The following RALGPS1 variants were observed in gnomAD, a reference collection of about 807,000 sequenced individuals.
The protein encoded by RALGPS1 is ras-specific guanine nucleotide-releasing factor RalGPS1.
A neutral mutation model predicts 78.8 loss-of-function variants in RALGPS1; 19 were observed. The ratio of observed to expected loss-of-function variants is 0.24; its 90% confidence interval spans 0.17 to 0.35. The LOEUF (loss-of-function observed/expected upper bound fraction) is 0.35. Among genes scored for constraint, RALGPS1 ranks in the 10% least tolerant of loss-of-function variants. The pLI is 1.00. For synonymous variants in RALGPS1, 228 were observed against 256.3 expected (o/e 0.89, Z 1.06); for missense variants, 454 against 688.3 (o/e 0.66, Z 3.81).
At position 127,152,951 on chromosome 9, in the gene RALGPS1, G is replaced by T. The variant is rs115455450; in HGVS notation, c.611-13118G>T. Among the ~76,000 whole-genome samples, 425 of 152,310 alleles carry T rather than the reference G, an allele frequency of 2.8e-3. 1 individual carries two copies. The highest frequency in any genetic ancestry group is 9.9e-3 in the African/African-American group (410 of 41,550). ...TTACAGGTACTATCTCTATCTCCCA[G>T]ATGAAGAAAGCAAGGTCCCAGGAGT... On this transcript the variant is annotated intron_variant, in intron 8 of 18. Transcript: ENST00000259351.
intron 1 of RALGPS1, among the ~76,000 whole-genome samples, chr9:126,915,288 G>C (rs1223216121): frequency 7.0e-6 from 1 of 141,864 alleles, no homozygotes; most frequent in Non-Finnish European, 1.6e-5. Flanking sequence ...CGGGGCCGGG[G>C]GGGCAGTTGG....
At position 127,150,679 on chromosome 9, in the gene RALGPS1, G is replaced by A. The variant is rs1488341758; in HGVS notation, c.611-15390G>A. Among the ~76,000 whole-genome samples, 3 of 152,212 alleles carry A rather than the reference G, an allele frequency of 2.0e-5. No individual in the cohort carries two copies. The East Asian group carries it at 5.8e-4, about 29-fold the overall frequency. On this transcript the variant is annotated intron_variant, in intron 8 of 18. Coordinates refer to ENST00000259351, the MANE Select transcript of RALGPS1 (RefSeq NM_014636.3). ...ACTCAACAGAGATGCCCTTTCCTGG[G>A]CTCTTACAACTGGATTACTAGGGCA... is the stretch of plus-strand genomic sequence containing the variant.
intron 14 of RALGPS1, among the ~76,000 whole-genome samples, chr9:127,202,293 G>C (rs1222691400): frequency 6.6e-6 from 1 of 152,168 alleles, no homozygotes; most frequent in Admixed American, 6.5e-5. Flanking sequence ...CCAGGGGTGA[G>C]ACTCTGCATG....
At chr9:126,915,657 T>G (rs2034074886) in intron 1 of RALGPS1, among the ~76,000 whole-genome samples, 2 of 151,890 alleles carry the variant, frequency 1.3e-5, no homozygotes, top group Non-Finnish European at 1.5e-5. Flanking sequence ...GGCTTGGAGC[T>G]CAGCTGCCCT....
chr9:127,116,046 A>G (rs1043436629), intron 8 of RALGPS1, among the ~76,000 whole-genome samples: 1 of 152,194 alleles, frequency 6.6e-6, no homozygotes, highest in Non-Finnish European at 1.5e-5. Context: ...AAGACCATTG[A>G]ATGAACCATT....
intron 7 of RALGPS1, among the ~76,000 whole-genome samples, chr9:127,056,198 A>C (rs2048732455): frequency 1.3e-5 from 2 of 152,234 alleles, no homozygotes; most frequent in African/African-American, 4.8e-5. Context: ...CTGGGGACTC[A>C]GGGAAACAAC....
At position 127,050,023 on chromosome 9, in the gene RALGPS1, G is replaced by C. The variant is rs2048161513; in HGVS notation, c.301-20G>C. On this transcript the variant is annotated intron_variant, in intron 5 of 18. Transcript: ENST00000259351. ...TTTTCTGGTGTGTATGTGTGTATGTGTGTGTATTTGACTCTACAGGTCAGT... is the reference window on the plus strand; with the variant it reads ...TTTTCTGGTGTGTATGTGTGTATGTCTGTGTATTTGACTCTACAGGTCAGT... The C allele has an allele frequency of 1.9e-6, 3 of 1,569,148 alleles. No individual in the cohort carries two copies. Among genetic ancestry groups the C allele is most frequent in the Admixed American group, 3.3e-5 (2 of 59,928 alleles).
intron 11 of RALGPS1, among the ~76,000 whole-genome samples, chr9:127,176,640 G>T (rs2059895587): frequency 6.6e-6 from 1 of 152,182 alleles, no homozygotes; most frequent in Non-Finnish European, 1.5e-5. Flanking sequence ...AGCCTTCACA[G>T]GATGAGCCAC....
At chr9:127,127,914 T>G (rs1174394918) in intron 8 of RALGPS1, among the ~76,000 whole-genome samples, 1 of 152,202 alleles carries the variant, frequency 6.6e-6, no homozygotes, top group African/African-American at 2.4e-5. Flanking sequence ...CTGGGGTATA[T>G]GTGCACAACG....
chr9:126,965,270 C>T (rs1050777304), intron 2 of RALGPS1, among the ~76,000 whole-genome samples: 1 of 152,174 alleles, frequency 6.6e-6, no homozygotes, highest in Non-Finnish European at 1.5e-5. Flanking sequence ...CCAAGTGCCC[C>T]GCATGATAAA....
At chr9:126,978,753 C>G (rs1478484052) in intron 4 of RALGPS1, among the ~76,000 whole-genome samples, 2 of 152,160 alleles carry the variant, frequency 1.3e-5, no homozygotes, top group Non-Finnish European at 2.9e-5. Flanking sequence ...CCGCTTTTAC[C>G]TCTCCTTCTC....
At chr9:126,987,791 C>T (rs2041937835) in intron 4 of RALGPS1, among the ~76,000 whole-genome samples, 2 of 152,154 alleles carry the variant, frequency 1.3e-5, no homozygotes, top group African/African-American at 2.4e-5. Context: ...GTGCTAAATG[C>T]TGGAGAAACG....
chr9:126,938,496 G>A (rs2036469632), intron 1 of RALGPS1, among the ~76,000 whole-genome samples: 1 of 152,136 alleles, frequency 6.6e-6, no homozygotes, highest in South Asian at 2.1e-4. Context: ...CATGAGCCCA[G>A]CATGATTACA....
At chr9:127,059,497 C>G (rs1244747877) in intron 7 of RALGPS1, among the ~76,000 whole-genome samples, 1 of 152,200 alleles carries the variant, frequency 6.6e-6, no homozygotes, top group African/African-American at 2.4e-5. Context: ...CTTGAAAAAT[C>G]TCTTTTCCCT....
intron 8 of RALGPS1, chr9:127,108,815 C>T: frequency 7.2e-7 from 1 of 1,382,924 alleles, no homozygotes; most frequent in Non-Finnish European, 9.7e-7. Context: ...CAGTGATGGT[C>T]CCACCACTGT....
intron 8 of RALGPS1, chr9:127,107,769 T>G: frequency 1.3e-6 from 1 of 770,782 alleles, no homozygotes; most frequent in Non-Finnish European, 1.9e-6. Flanking sequence ...CTCCAGCAGC[T>G]CAGCCCAAGG....
intron 13 of RALGPS1, among the ~76,000 whole-genome samples, chr9:127,197,618 C>T (rs536008046): frequency 2.6e-5 from 4 of 152,292 alleles, no homozygotes; most frequent in Admixed American, 6.5e-5. Flanking sequence ...CTGTCTCCCA[C>T]GCCCTGGAAG....
intron 11 of RALGPS1, among the ~76,000 whole-genome samples, chr9:127,192,879 G>A (rs2061149410): frequency 1.3e-5 from 2 of 152,154 alleles, no homozygotes; most frequent in South Asian, 2.1e-4. Flanking sequence ...AGGAAGGAGG[G>A]CATTTTGAGA....
At chr9:127,023,170 C>T (rs750726577) in intron 4 of RALGPS1, among the ~76,000 whole-genome samples, 4 of 152,168 alleles carry the variant, frequency 2.6e-5, no homozygotes, top group Non-Finnish European at 5.9e-5. Flanking sequence ...ATACCTCAGT[C>T]CACTGGCAGC....
Sources: gnomAD v4.1 joint callset for allele counts (sites outside exome capture counted in the v4.1 genomes callset) on GRCh38, gnomAD v4.1.1 for gene constraint, MANE v1.5 for transcripts, NCBI Gene and HGNC (gene_info 2026-07-23, HGNC 2026-07-21) for gene names.